The following DHX32 variants were observed in gnomAD, a reference collection of about 807,000 sequenced individuals.
The protein encoded by DHX32 is putative pre-mRNA-splicing factor ATP-dependent RNA helicase DHX32.
A neutral mutation model predicts 70.0 loss-of-function variants in DHX32; 51 were observed. That is an observed-to-expected ratio of 0.73 (90% CI 0.58 to 0.92). The LOEUF (loss-of-function observed/expected upper bound fraction) is 0.92, where lower values mean the gene tolerates loss of function less well. DHX32 is among the 40% of genes least tolerant of loss of function. DHX32 has a pLI of 0.00. For synonymous variants in DHX32, 310 were observed against 315.3 expected (o/e 0.98, Z 0.18); for missense variants, 762 against 891.8 (o/e 0.85, Z 1.85).
intron 3 of DHX32, among the ~76,000 whole-genome samples, chr10:125,857,114 T>G (rs1189311648): frequency 6.6e-6 from 1 of 152,242 alleles, no homozygotes; most frequent in Non-Finnish European, 1.5e-5. Context: ...TCAATAGCTG[T>G]TAGCACTGAT....
intron 8 of DHX32, 105 bp from the exon 9 acceptor site, chr10:125,839,293 A>AG: frequency 8.5e-7 from 1 of 1,177,906 alleles, no homozygotes; most frequent in Non-Finnish European, 1.2e-6. Context: ...CTCCTCTCCT[A>AG]CAAAGGAGGC....
intron 6 of DHX32, 113 bp downstream of exon 6, chr10:125,852,180 C>T (rs1944099119): frequency 7.5e-7 from 1 of 1,338,560 alleles, no homozygotes; most frequent in African/African-American, 1.5e-5. Context: ...CAAACCAACG[C>T]CCCCTCCATG....
intron 1 of DHX32, among the ~76,000 whole-genome samples, chr10:125,878,234 C>T (rs1944295837): frequency 6.6e-6 from 1 of 152,132 alleles, no homozygotes; most frequent in African/African-American, 2.4e-5. Flanking sequence ...AAAGTGTAGA[C>T]ATAGGAGTAG....
chr10:125,852,117 T>C (rs1168682277), intron 6 of DHX32, among the ~76,000 whole-genome samples, 176 bp downstream of exon 6: 3 of 152,080 alleles, frequency 2.0e-5, no homozygotes, highest in Non-Finnish European at 1.5e-5. Flanking sequence ...TTTGTGGGGT[T>C]TTAAAAATTA....
At chr10:125,893,350 T>C (rs1944382313) in intron 1 of DHX32, among the ~76,000 whole-genome samples, 1 of 152,204 alleles carries the variant, frequency 6.6e-6, no homozygotes, top group Non-Finnish European at 1.5e-5. Flanking sequence ...TTCACGCCAT[T>C]CTCCTGGCTC....
chr10:125,889,925 G>A (rs1437798730), intron 1 of DHX32, among the ~76,000 whole-genome samples: 4 of 152,418 alleles, frequency 2.6e-5, no homozygotes, highest in African/African-American at 9.6e-5. Context: ...AATTTATACG[G>A]CTTCTAGAAG....
intron 1 of DHX32, among the ~76,000 whole-genome samples, chr10:125,877,746 C>A (rs1428918579): frequency 6.6e-6 from 1 of 151,964 alleles, no homozygotes; most frequent in Non-Finnish European, 1.5e-5. Context: ...AACTTGAAAG[C>A]AACAATTTAT....
chr10:125,859,998 T>G (rs1944175915), intron 2 of DHX32, 23 bp from the exon 3 acceptor site: 2 of 1,509,996 alleles, frequency 1.3e-6, no homozygotes, highest in Non-Finnish European at 1.8e-6. Flanking sequence ...AACATTAAAG[T>G]TAGAATATTC....
intron 1 of DHX32, among the ~76,000 whole-genome samples, chr10:125,871,460 C>CTG (rs1486388871): frequency 6.6e-6 from 1 of 152,236 alleles, no homozygotes; most frequent in Non-Finnish European, 1.5e-5. Context: ...ACGTACTCAA[C>CTG]TGTGGCTCTG....
chr10:125,855,874 A>G (rs1361563635), intron 3 of DHX32, among the ~76,000 whole-genome samples: 3 of 152,186 alleles, frequency 2.0e-5, no homozygotes, highest in Admixed American at 6.5e-5. Context: ...TCATAGGTGA[A>G]TTCTTCGGTC....
At position 125,839,282 on chromosome 10, in the gene DHX32, TCTC is replaced by T. The variant is rs1287275974; in HGVS notation, c.1694-97_1694-95del. The T allele has an allele frequency of 3.1e-5, 41 of 1,309,832 alleles. No individual in the cohort carries two copies. In the African/African-American group the frequency reaches 4.4e-4, roughly 14 times the overall value. 81.1% of individuals were successfully genotyped at this position (1,309,832 alleles called of 1,614,324 possible). The stretch of plus-strand genomic sequence containing the variant: ...CAGTTGCCATCTTTAAGCCCTGTGC[TCTC>T]CTCTCCTACAAAGGAGGCCACGTAG... On this transcript the variant is annotated intron_variant, in intron 8 of 10. Transcript: ENST00000284690.
At chr10:125,877,966 T>C (rs1484328873) in intron 1 of DHX32, among the ~76,000 whole-genome samples, 4 of 152,226 alleles carry the variant, frequency 2.6e-5, no homozygotes, top group Non-Finnish European at 4.4e-5. Flanking sequence ...TCACACTATA[T>C]GGTCTATTCT....
Position 125,853,843 on chromosome 10 carries a change from A to G in DHX32, c.1092+118T>C, listed in dbSNP as rs1944122123. 5 of 1,316,886 alleles carry G rather than the reference A, an allele frequency of 3.8e-6. No individual in the cohort carries two copies. In the Admixed American group the frequency reaches 7.4e-5, roughly 19 times the overall value. 81.6% of individuals were successfully genotyped at this position (1,316,886 alleles called of 1,614,324 possible). A position where few individuals can be genotyped will look rare whatever the true frequency, so the allele number is the denominator to read the frequency against. Reference sequence around the variant, plus strand: ...TTCTTTGCACTCATGACCAAATTCAACGAATCCCCAGGTCACATAGTTCAT... The same window carrying G: ...TTCTTTGCACTCATGACCAAATTCAGCGAATCCCCAGGTCACATAGTTCAT... On this transcript the variant is annotated intron_variant, in intron 4 of 10. Transcript: ENST00000284690.
At chr10:125,846,110 C>A (rs564330240) in intron 6 of DHX32, among the ~76,000 whole-genome samples, 1 of 152,166 alleles carries the variant, frequency 6.6e-6, no homozygotes, top group East Asian at 1.9e-4. Flanking sequence ...CCTGTCTAGT[C>A]AGTATTCCTC....
chr10:125,839,105 C>CT lies in DHX32; in HGVS notation c.1776dup (p.Glu593ArgfsTer41). ...GGAAGCTCGATTCGCTTGATAATTTCTAAGAGTTCAGCTCGAATAACATCT... is the reference window on the plus strand; with the variant it reads ...GGAAGCTCGATTCGCTTGATAATTTCTTAAGAGTTCAGCTCGAATAACATCT... On this transcript the variant is annotated frameshift_variant, in exon 9 of 11. Transcript: ENST00000284690. LOFTEE classifies it high-confidence loss of function. 1 of 1,614,216 alleles carries CT rather than the reference C, an allele frequency of 6.2e-7. No individual in the cohort carries two copies. The highest frequency in any genetic ancestry group is 2.2e-5 in the East Asian group (1 of 44,882).
chr10:125,869,212 C>G (rs1944241416), intron 1 of DHX32: 1 of 152,180 alleles, frequency 6.6e-6, no homozygotes, highest in Admixed American at 6.5e-5. Context: ...GGTCCACTAT[C>G]TAGGGTCCCT....
At chr10:125,844,173 A>G (rs1405434948) in intron 6 of DHX32, among the ~76,000 whole-genome samples, 2 of 152,236 alleles carry the variant, frequency 1.3e-5, no homozygotes, top group Non-Finnish European at 2.9e-5. Flanking sequence ...GTGAGGCATG[A>G]CATGAAAAGT....
At chr10:125,882,201 G>T (rs1944321207), upstream of DHX32, among the ~76,000 whole-genome samples, 1 of 152,108 alleles carries the variant, frequency 6.6e-6, no homozygotes, top group Non-Finnish European at 1.5e-5. Context: ...AGTGTTGCTG[G>T]AAATAAGCTC....
upstream of DHX32, among the ~76,000 whole-genome samples, chr10:125,883,340 G>A (rs535230322): frequency 6.6e-6 from 1 of 152,284 alleles, no homozygotes; most frequent in African/African-American, 2.4e-5. Context: ...TTGAATCTGA[G>A]CTGGCCCTGT....
Sources: allele counts gnomAD v4.1 joint callset (sites outside exome capture counted in the v4.1 genomes callset), GRCh38; gene constraint gnomAD v4.1.1; transcripts MANE v1.5; gene names NCBI Gene and HGNC (gene_info 2026-07-23, HGNC 2026-07-21).